The following HIPK2 variants were observed in gnomAD, a reference collection of about 807,000 sequenced individuals.
HIPK2 encodes homeodomain interacting protein kinase 2.
HIPK2 carries 27 observed loss-of-function variants against 113.7 expected under a neutral mutation model. The observed-to-expected ratio is 0.24, with a 90% CI of 0.17 to 0.33. HIPK2 has a LOEUF of 0.33. Ranked by LOEUF, HIPK2 falls within the 10% of genes least tolerant of loss-of-function variation. The probability of loss-of-function intolerance (pLI) is 1.00; values close to 1 mark genes in which losing one functional copy is unlikely to be tolerated. For missense variants in HIPK2, 1,257 were observed against 1,588.0 expected (o/e 0.79, Z 3.54); for synonymous variants, 631 against 642.2 (o/e 0.98, Z 0.26).
At chr7:139,637,734 A>G (rs1800859337) in intron 2 of HIPK2, among the ~76,000 whole-genome samples, 1 of 152,222 alleles carries the variant, frequency 6.6e-6, no homozygotes, top group South Asian at 2.1e-4. Context: ...TTTATTAAAT[A>G]TAAGAAAGTG....
intron 2 of HIPK2, among the ~76,000 whole-genome samples, chr7:139,662,606 C>T (rs1353722494): frequency 6.7e-6 from 1 of 149,506 alleles, no homozygotes; most frequent in Non-Finnish European, 1.5e-5. Context: ...GCGAAGTTTC[C>T]TAAAACACCA....
Position 139,596,861 on chromosome 7 carries a change from C to G in HIPK2, c.2573G>C (p.Gly858Ala). The change falls in exon 12 of 15, where the codon GGG becomes GCG. Residue 858 changes from glycine (G) to alanine (A), a missense_variant. Physicochemically the swap from Gly to Ala is moderately conservative, Grantham distance 60 (BLOSUM62 0). This residue lies in a region of HIPK2 where 862 missense variants were observed against 1,004.3 expected (regional missense o/e 0.86). Coordinates refer to ENST00000406875, the MANE Select transcript of HIPK2 (RefSeq NM_022740.5). ...SPACSTSVTC[G>A]WGDVASSTTR... Reference sequence around the variant, plus strand: ...GGTGCTGGAGGCCACGTCGCCCCACCCACAGGTGACCGAGGTGCTGCAGGC... The same window carrying G: ...GGTGCTGGAGGCCACGTCGCCCCACGCACAGGTGACCGAGGTGCTGCAGGC... 6.2e-7 allele frequency: 1 copy of G among 1,613,960 alleles called. No individual in the cohort carries two copies. The highest frequency in any genetic ancestry group is 1.1e-5 in the South Asian group (1 of 91,074).
intron 2 of HIPK2, among the ~76,000 whole-genome samples, chr7:139,642,839 A>G (rs1801074330): frequency 6.6e-6 from 1 of 152,212 alleles, no homozygotes; most frequent in Non-Finnish European, 1.5e-5. Flanking sequence ...GCCAAGCCAA[A>G]CACCGTGGAC....
At chr7:139,665,567 C>CATCCATCT (rs1446156519) in intron 2 of HIPK2, among the ~76,000 whole-genome samples, 1 of 149,690 alleles carries the variant, frequency 6.7e-6, no homozygotes, top group Non-Finnish European at 1.5e-5. Flanking sequence ...CACATCCATC[C>CATCCATCT]ATCCATCCAT....
At chr7:139,588,453 T>C (rs1279219385) in intron 12 of HIPK2, among the ~76,000 whole-genome samples, 10 of 149,644 alleles carry the variant, frequency 6.7e-5, no homozygotes, top group Non-Finnish European at 5.9e-5. Flanking sequence ...GGAGGTGAGG[T>C]TGTAGTGAGC....
At chr7:139,614,226 C>T (rs1799939245) in intron 8 of HIPK2, 60 bp downstream of exon 8, 6 of 1,310,956 alleles carry the variant, frequency 4.6e-6, no homozygotes, top group Middle Eastern at 2.9e-4. Flanking sequence ...CTGCAGGTGC[C>T]GGAGCCCCAG....
chr7:139,654,157 CA>C (rs1343857710), intron 2 of HIPK2, among the ~76,000 whole-genome samples: 1 of 152,206 alleles, frequency 6.6e-6, no homozygotes, highest in Non-Finnish European at 1.5e-5. Context: ...ATAGGTTTAA[CA>C]GCATGAGATA....
chr7:139,735,632 A>G (rs1795915107), intron 1 of HIPK2, among the ~76,000 whole-genome samples: 1 of 152,186 alleles, frequency 6.6e-6, no homozygotes, highest in Non-Finnish European at 1.5e-5. Context: ...GGGAGAAGAG[A>G]TAACTGACCA....
At chr7:139,610,124 C>G (rs189002519) in intron 9 of HIPK2, among the ~76,000 whole-genome samples, 1 of 152,192 alleles carries the variant, frequency 6.6e-6, no homozygotes, top group Non-Finnish European at 1.5e-5. Flanking sequence ...TCCCCTGCTA[C>G]GATTAAAGGA....
chr7:139,777,703 A>C lies in HIPK2; in HGVS notation c.-80T>G. On this transcript the variant is annotated 5_prime_UTR_variant, in exon 1 of 15. In the 5' UTR this introduces an upstream ATG that the reference lacks. Coordinates refer to ENST00000406875, the MANE Select transcript of HIPK2 (RefSeq NM_022740.5). ...GCTCGGCCCCCCCAGCCTCAGTCGG[A>C]ATCTGCCATCTTGAGCCTGTGTCTC... 9.4e-7 allele frequency: 1 copy of C among 1,060,618 alleles called. No individual in the cohort carries two copies. The highest frequency in any genetic ancestry group is 1.1e-6 in the Non-Finnish European group (1 of 877,586). The allele number at this position is 1,060,618 out of a possible 1,614,324, so 65.7% of individuals were successfully genotyped here.
chr7:139,603,227 G>A (rs1443115685), intron 10 of HIPK2, among the ~76,000 whole-genome samples: 3 of 152,266 alleles, frequency 2.0e-5, no homozygotes, highest in African/African-American at 7.2e-5. Context: ...AGGCTGTCAG[G>A]GGGTTGAGGG....
chr7:139,701,399 T>G (rs2116849544), intron 2 of HIPK2, among the ~76,000 whole-genome samples: 1 of 152,324 alleles, frequency 6.6e-6, no homozygotes, highest in African/African-American at 2.4e-5. Context: ...AGGCTAGACA[T>G]GAGGCTTAAA....
intron 2 of HIPK2, among the ~76,000 whole-genome samples, chr7:139,689,744 A>C (rs1011851743): frequency 9.2e-5 from 14 of 152,192 alleles, no homozygotes; most frequent in African/African-American, 3.1e-4. Context: ...AGAAATCCCA[A>C]GCTATGGCTT....
chr7:139,598,209 G>A (rs1022693073), intron 11 of HIPK2, among the ~76,000 whole-genome samples: 36 of 152,216 alleles, frequency 2.4e-4, no homozygotes, highest in Admixed American at 6.5e-5. Context: ...TCTATGCAGT[G>A]AGAGACTAAC....
rs116326065 is a variant in HIPK2, at chr7:139,740,614, A to G, written c.20-23599T>C. ...GAGGACCATGAGAAATCAGAGAGCA[A>G]CTAGACAAGGAAGATATCAAAAGAG... On this transcript the variant is annotated intron_variant, in intron 1 of 14. Transcript: ENST00000406875. Among the ~76,000 whole-genome samples, 981 of 152,340 alleles carry G rather than the reference A, an allele frequency of 6.4e-3. 13 individuals are homozygous for G. Among genetic ancestry groups the G allele is most frequent in the African/African-American group, 0.022 (934 of 41,572 alleles).
Position 139,573,044 on chromosome 7 carries a change from C to T in HIPK2, c.3480G>A (p.Pro1160=), listed in dbSNP as rs767691052. 5 of 1,612,214 alleles carry T rather than the reference C, an allele frequency of 3.1e-6. No homozygotes were observed. Among genetic ancestry groups the T allele is most frequent in the East Asian group, 2.2e-5 (1 of 44,840 alleles). ...GGGCAAATTGGGCTGGATACTGACT[C>T]GGGTGGATGGTGGGCGAGGGCAGGA... ...PRVLPSPTIH[P]SQYPAQFAHQ... The change falls in exon 15 of 15, where the codon CCG becomes CCA. Residue 1160 remains proline, a synonymous_variant. Transcript: ENST00000406875.
At chr7:139,776,256 T>C (rs1397218767) in intron 1 of HIPK2, among the ~76,000 whole-genome samples, 1 of 151,930 alleles carries the variant, frequency 6.6e-6, no homozygotes, top group Non-Finnish European at 1.5e-5. Context: ...CTCTGTTGCC[T>C]TCTAAACAGC....
intron 2 of HIPK2, among the ~76,000 whole-genome samples, chr7:139,650,461 T>G (rs1446322097): frequency 2.6e-5 from 4 of 151,148 alleles, no homozygotes; most frequent in African/African-American, 7.3e-5. Context: ...TTTTATTCCC[T>G]TCGGGTTTTT....
rs1432575422 is a variant in HIPK2 at position 139,645,116 on chromosome 7, G to T, written c.1104-13391C>A. ...GAAACACGATGCTTTCCTTTCCAAG[G>T]TTCCCAGTGCCTCCACTGGAGAAGC... On this transcript the variant is annotated intron_variant, in intron 2 of 14. Coordinates refer to ENST00000406875, the MANE Select transcript of HIPK2 (RefSeq NM_022740.5). Among the ~76,000 whole-genome samples, 3 of 152,324 alleles carry T rather than the reference G, an allele frequency of 2.0e-5. No homozygotes were observed. The East Asian group carries it at 5.8e-4, about 29-fold the overall frequency.
Sources: allele counts gnomAD v4.1 joint callset (sites outside exome capture counted in the v4.1 genomes callset), GRCh38; gene constraint gnomAD v4.1.1; regional missense constraint gnomAD v4.1.1; transcripts MANE v1.5; gene names NCBI Gene and HGNC (gene_info 2026-07-23, HGNC 2026-07-21).